CD7: variants seen among roughly 807,000 people sequenced by gnomAD.
CD7 encodes the protein T-cell antigen CD7.
A neutral mutation model predicts 17.6 loss-of-function variants in CD7; 19 were observed. The ratio of observed to expected loss-of-function variants is 1.08; its 90% confidence interval spans 0.75 to 1.58. The LOEUF is 1.58. Ranked by LOEUF, CD7 falls within the 40% of genes most tolerant of loss-of-function variation. The pLI, the probability that CD7 is intolerant of heterozygous loss-of-function variation, is 0.00. For synonymous variants in CD7, 160 were observed against 159.8 expected, an observed-to-expected ratio of 1.00 and a Z score of -0.01; for missense variants, 291 against 327.1, an observed-to-expected ratio of 0.89 and a Z score of 0.85.
At chr17:82,315,788 G>A (rs374002889) in intron 3 of CD7, 5 of 565,876 alleles carry the variant, frequency 8.8e-6, no homozygotes, top group African/African-American at 5.6e-5. Context: ...CACACAGCAC[G>A]CCGGCACACT....
intron 1 of CD7, 26 bp downstream of exon 1, chr17:82,317,388 C>T: frequency 6.5e-7 from 1 of 1,543,316 alleles, no homozygotes; most frequent in Non-Finnish European, 8.7e-7. Flanking sequence ...GGAGCTGTGG[C>T]CATGGAGAGC....
intron 3 of CD7, 186 bp from the exon 4 acceptor site, chr17:82,315,617 G>T: frequency 3.4e-6 from 2 of 584,780 alleles, no homozygotes; most frequent in South Asian, 3.9e-5. Flanking sequence ...GTCGGACCCT[G>T]GGGTGCCTCT....
At position 82,315,253 on chromosome 17, in the gene CD7, T is replaced by TG; in HGVS notation, c.*67dup. On this transcript the variant is annotated 3_prime_UTR_variant, in exon 4 of 4. Coordinates refer to ENST00000312648, the MANE Select transcript of CD7 (RefSeq NM_006137.7). ...CAGCAGGGTGAGGGGTGTGGCAGGG[T>TG]GGGGGGCATGGTGGGGCAGGGAAGG... 1 of 641,930 alleles carries TG rather than the reference T, an allele frequency of 1.6e-6. No individual in the cohort carries two copies. The highest frequency in any genetic ancestry group is 2.3e-6 in the Non-Finnish European group (1 of 443,830). 39.8% of individuals were successfully genotyped at this position (641,930 alleles called of 1,614,324 possible). A position where few individuals can be genotyped will look rare whatever the true frequency, so the allele number is the denominator to read the frequency against.
At chr17:82,316,456 T>C in intron 2 of CD7, 47 bp from the exon 3 acceptor site, 1 of 1,488,570 alleles carries the variant, frequency 6.7e-7, no homozygotes, top group Non-Finnish European at 9.1e-7. Flanking sequence ...GGAGAACCTG[T>C]TAGAGCCCCC....
At chr17:82,316,522 T>C (rs1426859490) in intron 2 of CD7, 113 bp from the exon 3 acceptor site, 8 of 1,263,704 alleles carry the variant, frequency 6.3e-6, no homozygotes, top group East Asian at 5.0e-5. Flanking sequence ...GGCAGCTATC[T>C]AGGAGGCTGC....
chr17:82,317,309 A>T (rs1390454782), intron 1 of CD7, 105 bp downstream of exon 1: 4 of 1,147,832 alleles, frequency 3.5e-6, no homozygotes, highest in Non-Finnish European at 5.0e-6. Context: ...TCAGCACCCC[A>T]CCCGCTTCCT....
intron 1 of CD7, 189 bp downstream of exon 1, chr17:82,317,225 C>T: frequency 1.5e-6 from 1 of 679,588 alleles, no homozygotes; most frequent in Non-Finnish European, 2.4e-6. Context: ...CCTGCCTGGA[C>T]AGCCCCGGCC....
In CD7 at chr17:82,316,221, C is replaced by G; in HGVS notation, c.586G>C (p.Val196Leu). ...ISFLLGLGLG[V>L]ACVLARTQIK... ...TGTGTCCTCGCCAGCACACACGCCA[C>G]CCCCAGGCCCAGCCCGAGGAGGAAG... The change falls in exon 3 of 4, where the codon GTG becomes CTG. Residue 196 changes from valine to leucine, a missense_variant. Transcript: ENST00000312648. The G allele has an allele frequency of 6.4e-7, 1 of 1,565,906 alleles. No homozygotes were observed. The highest frequency in any genetic ancestry group is 8.7e-7 in the Non-Finnish European group (1 of 1,154,852).
intron 1 of CD7, 66 bp downstream of exon 1, chr17:82,317,348 G>A (rs542852261): frequency 2.6e-4 from 366 of 1,421,798 alleles, no homozygotes; most frequent in Non-Finnish European, 3.4e-4. Flanking sequence ...CAGACTGGGG[G>A]CTCTGAGCTC....
Position 82,317,409 on chromosome 17 carries a change from CT to C in CD7, c.82+4del. On this transcript the variant is annotated splice_donor_region_variant and intron_variant, in intron 1 of 3. Transcript: ENST00000312648. Reference sequence around the variant, plus strand: ...GTGGCCATGGAGAGCCTGGGAAGCTCTTACCTTGGGCAGCCAGGGCCCCAGG... The same window carrying C: ...GTGGCCATGGAGAGCCTGGGAAGCTCTACCTTGGGCAGCCAGGGCCCCAGG... 6.4e-7 allele frequency: 1 copy of C among 1,553,474 alleles called. No individual in the cohort carries two copies.
rs1363663775 is a variant in CD7, at chr17:82,316,269, G to A, written c.538C>T (p.Pro180Ser). 1 of 1,466,538 alleles carries A rather than the reference G, an allele frequency of 6.8e-7. No individual in the cohort carries two copies. The highest frequency in any genetic ancestry group is 9.4e-7 in the Non-Finnish European group (1 of 1,065,536). 90.8% of individuals were successfully genotyped at this position (1,466,538 alleles called of 1,614,324 possible). A position where few individuals can be genotyped will look rare whatever the true frequency, so the allele number is the denominator to read the frequency against. ...AAGGAGATCACCGCCAGGGCCGCAG[G>A]GAGGGCAGAGGCTGCTGGCGGGTCA... ...LPDPPAASALPAALAVISFLL... is the reference protein window; with the variant it reads ...LPDPPAASALSAALAVISFLL... Residue 180 changes from proline (P) to serine (S), a missense_variant, in exon 3 of 4, where the codon CCT (proline) becomes TCT (serine). Pro to Ser is a moderately conservative substitution (Grantham distance 74, BLOSUM62 -1). Coordinates refer to ENST00000312648, the MANE Select transcript of CD7 (RefSeq NM_006137.7).
At position 82,315,166 on chromosome 17, in the gene CD7, G is replaced by C; in HGVS notation, c.*155C>G. On this transcript the variant is annotated 3_prime_UTR_variant, in exon 4 of 4. Coordinates refer to ENST00000312648, the MANE Select transcript of CD7 (RefSeq NM_006137.7). ...GCACCGTGGGGCCTGGCCACTGCCT[G>C]TGTGTCTGCTTGGAGCTGGGCACGG... The C allele has an allele frequency of 3.2e-6, 2 of 618,732 alleles. No individual in the cohort carries two copies. Among genetic ancestry groups the C allele is most frequent in the Non-Finnish European group, 5.9e-6 (2 of 340,572 alleles). 38.3% of individuals were successfully genotyped at this position (618,732 alleles called of 1,614,324 possible).
Position 82,317,525 on chromosome 17 carries a change from C to G in CD7, c.-30G>C. The G allele has an allele frequency of 6.5e-7, 1 of 1,538,028 alleles. No homozygotes were observed. The highest frequency in any genetic ancestry group is 8.8e-7 in the Non-Finnish European group (1 of 1,139,638). On this transcript the variant is annotated 5_prime_UTR_variant, in exon 1 of 4. Coordinates refer to ENST00000312648, the MANE Select transcript of CD7 (RefSeq NM_006137.7). The stretch of plus-strand genomic sequence containing the variant: ...CCCACACCCAGCTCTCCCAGCCGGG[C>G]GAGTGCAGCTGAGCCTCTCTGGGTC...
rs1129410 is a variant in CD7 at position 82,315,204 on chromosome 17, A to G, written c.*117T>C. 1 of 701,014 alleles carries G rather than the reference A, an allele frequency of 1.4e-6. No individual in the cohort carries two copies. The highest frequency in any genetic ancestry group is 2.5e-6 in the Non-Finnish European group (1 of 404,306). 43.4% of individuals were successfully genotyped at this position (701,014 alleles called of 1,614,324 possible). A position where few individuals can be genotyped will look rare whatever the true frequency, so the allele number is the denominator to read the frequency against. Reference sequence around the variant, plus strand: ...GAGCTGGGCACGGCTGGGCCCTTCAAACTCTGCTGCAGCCGTGGGAGGACA... The same window carrying G: ...GAGCTGGGCACGGCTGGGCCCTTCAGACTCTGCTGCAGCCGTGGGAGGACA... On this transcript the variant is annotated 3_prime_UTR_variant, in exon 4 of 4. Coordinates refer to ENST00000312648, the MANE Select transcript of CD7 (RefSeq NM_006137.7).
chr17:82,315,775 G>A (rs544960494), intron 3 of CD7: 94 of 559,644 alleles, frequency 1.7e-4, no homozygotes, highest in Non-Finnish European at 2.5e-4. Flanking sequence ...CCCTTCCCAC[G>A]GCCACACAGC....
In CD7 at chr17:82,316,387, G is replaced by A; in HGVS notation, c.420C>T (p.His140=). 6.3e-7 allele frequency: 1 copy of A among 1,591,566 alleles called. No homozygotes were observed. Among genetic ancestry groups the A allele is most frequent in the Non-Finnish European group, 8.5e-7 (1 of 1,169,592 alleles). The change falls in exon 3 of 4, where the codon CAC becomes CAT. Residue 140 remains histidine (H), a synonymous_variant. Coordinates refer to ENST00000312648, the MANE Select transcript of CD7 (RefSeq NM_006137.7). ...LVTEEQSQGW[H]RCSDAPPRAS... is the part of the protein sequence containing the mutation. ...CCCTTGGTGGGGCGTCCGAGCATCT[G>A]TGCCATCCTTGGGACTGTTCCTCTG...
chr17:82,317,463 G>C lies in CD7; in HGVS notation c.33C>G (p.Pro11=), dbSNP rs916648099. The change falls in exon 1 of 4, where the codon CCC becomes CCG. Residue 11 remains proline, a synonymous_variant. Coordinates refer to ENST00000312648, the MANE Select transcript of CD7 (RefSeq NM_006137.7). MAGPPRLLLL[P]LLLALARGLP... is the part of the protein sequence containing the mutation. ...GGCCGCGAGCCAGCGCCAGAAGCAGGGGCAGCAGCAGGAGCCTCGGAGGCC... is the reference window on the plus strand; with the variant it reads ...GGCCGCGAGCCAGCGCCAGAAGCAGCGGCAGCAGCAGGAGCCTCGGAGGCC... The C allele has an allele frequency of 3.2e-6, 5 of 1,575,584 alleles. No homozygotes were observed. The highest frequency in any genetic ancestry group is 3.4e-6 in the Non-Finnish European group (4 of 1,161,260).
Position 82,315,189 on chromosome 17 carries a change from C to A in CD7, c.*132G>T. 1.5e-6 allele frequency: 1 copy of A among 649,538 alleles called. No individual in the cohort carries two copies. Among genetic ancestry groups the A allele is most frequent in the Non-Finnish European group, 2.8e-6 (1 of 362,102 alleles). The allele number at this position is 649,538 out of a possible 1,614,324, so 40.2% of individuals were successfully genotyped here. ...CTGTGTGTCTGCTTGGAGCTGGGCA[C>A]GGCTGGGCCCTTCAAACTCTGCTGC... On this transcript the variant is annotated 3_prime_UTR_variant, in exon 4 of 4. Coordinates refer to ENST00000312648, the MANE Select transcript of CD7 (RefSeq NM_006137.7).
rs749904144 is a variant in CD7, at chr17:82,317,479, C to G, written c.17G>C (p.Arg6Thr). MAGPP[R>T]LLLLPLLLAL... ...CAGAAGCAGGGGCAGCAGCAGGAGC[C>G]TCGGAGGCCCGGCCATGTTCCCCAC... The change falls in exon 1 of 4, where the codon AGG (arginine) becomes ACG (threonine). Residue 6 changes from arginine (R) to threonine (T), a missense_variant. Transcript: ENST00000312648. 4 of 1,569,756 alleles carry G rather than the reference C, an allele frequency of 2.5e-6. No homozygotes were observed. Among genetic ancestry groups the G allele is most frequent in the Non-Finnish European group, 3.5e-6 (4 of 1,158,116 alleles).
Sources: allele counts gnomAD v4.1 joint callset, GRCh38; gene constraint gnomAD v4.1.1; transcripts MANE v1.5; gene names NCBI Gene and HGNC (gene_info 2026-07-23, HGNC 2026-07-21).